Variants in KRT86 observed in about 807,000 individuals in gnomAD.
KRT86 encodes keratin 86.
KRT86 carries 30 observed loss-of-function variants against 41.2 expected under a neutral mutation model. The observed-to-expected ratio is 0.73, with a 90% CI of 0.54 to 0.99. The LOEUF is 0.99. Ranked by LOEUF, KRT86 falls within the 50% of genes least tolerant of loss-of-function variation. The probability of loss-of-function intolerance (pLI) is 0.00; values close to 1 mark genes in which losing one functional copy is unlikely to be tolerated. For missense variants in KRT86, 561 were observed against 571.4 expected (o/e 0.98, Z 0.19); for synonymous variants, 238 against 238.1 (o/e 1.00, Z 0.00).
chr12:52,306,558 G>C (rs548223840), intron 9 of KRT86: 23 of 571,964 alleles, frequency 4.0e-5, no homozygotes, highest in Admixed American at 9.2e-5. Flanking sequence ...TTAAGGCTTG[G>C]GGTCAGCTTG....
At chr12:52,296,071 G>T (rs928638332) in intron 2 of KRT86, among the ~76,000 whole-genome samples, 1 of 152,162 alleles carries the variant, frequency 6.6e-6, no homozygotes, top group African/African-American at 2.4e-5. Context: ...TAGAGACCAG[G>T]TGTCGGATTG....
At chr12:52,307,703 T>C (rs1220736821) in intron 9 of KRT86, among the ~76,000 whole-genome samples, 9 of 152,160 alleles carry the variant, frequency 5.9e-5, no homozygotes, top group Admixed American at 5.9e-4. Context: ...TATCTAACAG[T>C]TTTGTATTGA....
At chr12:52,276,966 G>A (rs1384491738) in intron 2 of KRT86, among the ~76,000 whole-genome samples, 1 of 152,160 alleles carries the variant, frequency 6.6e-6, no homozygotes, top group African/African-American at 2.4e-5. Context: ...CTCTGAGAAG[G>A]GATAAGCTGC....
chr12:52,293,011 C>A (rs1477592134), intron 2 of KRT86, among the ~76,000 whole-genome samples: 1 of 152,064 alleles, frequency 6.6e-6, no homozygotes, highest in Admixed American at 6.6e-5. Context: ...AAAATTAGCC[C>A]GTTATGGTGG....
At chr12:52,282,134 T>C (rs968287274) in intron 2 of KRT86, among the ~76,000 whole-genome samples, 3 of 152,172 alleles carry the variant, frequency 2.0e-5, no homozygotes, top group Non-Finnish European at 2.9e-5. Context: ...TGAGAAAAGG[T>C]ATTGCTGCAT....
chr12:52,307,411 TA>T (rs1404701414), intron 9 of KRT86, among the ~76,000 whole-genome samples: 2 of 152,242 alleles, frequency 1.3e-5, no homozygotes, highest in Non-Finnish European at 2.9e-5. Flanking sequence ...ATGTGTTACC[TA>T]GGGAACCTGG....
chr12:52,291,484 G>C (rs760314261), intron 2 of KRT86: 1 of 1,612,332 alleles, frequency 6.2e-7, no homozygotes, highest in Non-Finnish European at 8.5e-7. Context: ...TGGACGTTTG[G>C]GTTGCAGAGG....
intron 9 of KRT86, chr12:52,306,638 G>T (rs1938526953): frequency 2.4e-6 from 1 of 413,140 alleles, no homozygotes; most frequent in Admixed American, 3.7e-5. Context: ...CTTTTTCCTA[G>T]TCTGGCCCTG....
intron 2 of KRT86, among the ~76,000 whole-genome samples, chr12:52,296,897 A>C (rs116020324): frequency 1.8e-3 from 277 of 152,354 alleles, no homozygotes; most frequent in African/African-American, 6.4e-3. Context: ...TAGAGCCTAC[A>C]GGCTGCCTTC....
chr12:52,279,726 T>C (rs7134425), intron 2 of KRT86, among the ~76,000 whole-genome samples: 40,233 of 152,054 alleles, frequency 0.26, 6,021 homozygotes, highest in East Asian at 0.4. Flanking sequence ...GTCTTTAGGA[T>C]GGGGAGCCCG....
At chr12:52,287,432 T>G (rs1258739085) in intron 2 of KRT86, 1 of 1,569,198 alleles carries the variant, frequency 6.4e-7, no homozygotes, top group Non-Finnish European at 8.7e-7. Context: ...GAACAGAGCC[T>G]CTTGCCTTTA....
intron 2 of KRT86, chr12:52,287,349 G>A (rs1329040690): frequency 6.2e-7 from 1 of 1,613,402 alleles, no homozygotes; most frequent in East Asian, 2.2e-5. Flanking sequence ...GAACAAGGTA[G>A]ATTAGAGTCC....
intron 2 of KRT86, chr12:52,285,827 G>T: frequency 4.0e-6 from 1 of 247,010 alleles, no homozygotes; most frequent in South Asian, 5.5e-5. Flanking sequence ...CCCTTGGCTT[G>T]GCCTTTTGCT....
chr12:52,298,425 G>A (rs1031721839), intron 2 of KRT86, among the ~76,000 whole-genome samples: 1 of 152,228 alleles, frequency 6.6e-6, no homozygotes, highest in African/African-American at 2.4e-5. Context: ...AGATAAGGCG[G>A]TTAATGAAAA....
intron 2 of KRT86, among the ~76,000 whole-genome samples, chr12:52,279,444 A>G (rs1384549858): frequency 1.3e-5 from 2 of 152,212 alleles, no homozygotes; most frequent in African/African-American, 4.8e-5. Context: ...CATTGGGTAG[A>G]GGTGGCCAGC....
chr12:52,291,522 G>A, intron 2 of KRT86: 1 of 1,603,572 alleles, frequency 6.2e-7, no homozygotes, highest in Non-Finnish European at 8.5e-7. Flanking sequence ...GAGTCCTGAT[G>A]GAAACTCCAA....
At chr12:52,276,792 A>C (rs715874) in intron 2 of KRT86, among the ~76,000 whole-genome samples, 47,618 of 151,892 alleles carry the variant, frequency 0.31, 7,779 homozygotes, top group Middle Eastern at 0.42. Flanking sequence ...TCCTCTCTTA[A>C]CCCACCCACC....
chr12:52,304,853 T>C, intron 5 of KRT86, 79 bp from the exon 6 acceptor site: 1 of 1,486,676 alleles, frequency 6.7e-7, no homozygotes, highest in Non-Finnish European at 9.4e-7. Flanking sequence ...CCAGGCTTCA[T>C]GGAATGGGTG....
intron 2 of KRT86, 146 bp downstream of exon 2, chr12:52,276,092 C>T: frequency 7.3e-6 from 6 of 817,062 alleles, no homozygotes; most frequent in Non-Finnish European, 8.9e-6. Flanking sequence ...AGTGCAGCTG[C>T]ATGCATATAT....
Sources: gnomAD v4.1 joint callset for allele counts (sites outside exome capture counted in the v4.1 genomes callset) on GRCh38, gnomAD v4.1.1 for gene constraint, MANE v1.5 for transcripts, NCBI Gene and HGNC (gene_info 2026-07-23, HGNC 2026-07-21) for gene names.